Variants in ARHGAP15 observed in about 807,000 individuals in gnomAD.
ARHGAP15 encodes the protein Rho GTPase activating protein 15.
Under a neutral mutation model 63.7 loss-of-function variants are expected in ARHGAP15, and 51 were observed. That is an observed-to-expected ratio of 0.80 (90% CI 0.64 to 1.01). The LOEUF is 1.01. Ranked by LOEUF, ARHGAP15 falls within the 50% of genes least tolerant of loss-of-function variation. ARHGAP15 has a pLI of 0.00. For missense variants in ARHGAP15, 560 were observed against 564.6 expected (o/e 0.99, Z 0.08); for synonymous variants, 191 against 193.8 (o/e 0.99, Z 0.12).
intron 6 of ARHGAP15, among the ~76,000 whole-genome samples, chr2:143,325,396 T>C (rs568495852): frequency 6.6e-6 from 1 of 152,206 alleles, no homozygotes; most frequent in African/African-American, 2.4e-5. Context: ...AACACCTCAT[T>C]TTAGTACAAT....
rs1347834366 is a variant in ARHGAP15 at position 143,605,882 on chromosome 2, A to AAAAAAAAG, written c.1004-18247_1004-18246insAAAGAAAA. 3.1e-4 allele frequency among the ~76,000 whole-genome samples: 42 copies of AAAAAAAAG among 134,784 alleles called. 3 individuals carry two copies. The East Asian group carries it at 9.0e-3, about 29-fold the overall frequency. 88.4% of individuals were successfully genotyped at this position (134,784 alleles called of 152,430 possible). Reference sequence around the variant, plus strand: ...ACAAAAAAAAAAAAAAAAAAAAAAAAAAAATTAGCCAGGCATAGCGGCGTT... The same window carrying AAAAAAAAG: ...ACAAAAAAAAAAAAAAAAAAAAAAAAAAAAAAAGAAAATTAGCCAGGCATAGCGGCGTT... On this transcript the variant is annotated intron_variant, in intron 11 of 13. Transcript: ENST00000295095.
rs974329407 is a variant in ARHGAP15, at chr2:143,703,497, T to C, written c.1217T>C (p.Met406Thr). Residue 406 changes from methionine to threonine, a missense_variant, in exon 13 of 14, where the codon ATG (methionine) becomes ACG (threonine). By Grantham distance (81) the Met-to-Thr change is moderately conservative (BLOSUM62 -1). Transcript: ENST00000295095. ...CTCCCTCCGCCAAATCGTGACACCA[T>C]GAAAGTCCTCTTTGGACATCTAACT... ...QKLPPPNRDT[M>T]KVLFGHLTKI... 9 of 1,612,624 alleles carry C rather than the reference T, an allele frequency of 5.6e-6. No individual in the cohort carries two copies. Among genetic ancestry groups the C allele is most frequent in the Non-Finnish European group, 7.6e-6 (9 of 1,179,354 alleles).
chr2:143,243,333 C>T (rs1327859877), intron 5 of ARHGAP15, among the ~76,000 whole-genome samples: 1 of 152,064 alleles, frequency 6.6e-6, no homozygotes, highest in Non-Finnish European at 1.5e-5. Context: ...ATCAGAAGTG[C>T]AAGAGACCTA....
intron 9 of ARHGAP15, among the ~76,000 whole-genome samples, chr2:143,518,465 G>A (rs897064126): frequency 6.6e-6 from 1 of 152,216 alleles, no homozygotes; most frequent in Non-Finnish European, 1.5e-5. Context: ...AAGTTTGGGG[G>A]AAAATGCATC....
intron 6 of ARHGAP15, among the ~76,000 whole-genome samples, chr2:143,278,672 C>T (rs1176979186): frequency 6.6e-6 from 1 of 152,036 alleles, no homozygotes; most frequent in Non-Finnish European, 1.5e-5. Context: ...TGGTACAATG[C>T]ATATACAACT....
At chr2:143,268,343 C>T (rs1681101659) in intron 6 of ARHGAP15, among the ~76,000 whole-genome samples, 1 of 152,008 alleles carries the variant, frequency 6.6e-6, no homozygotes, top group Non-Finnish European at 1.5e-5. Flanking sequence ...ATGTGGCTGG[C>T]ACTTGAAAAA....
At chr2:143,288,639 T>G (rs991561393) in intron 6 of ARHGAP15, among the ~76,000 whole-genome samples, 3 of 151,550 alleles carry the variant, frequency 2.0e-5, no homozygotes, top group Admixed American at 1.3e-4. Context: ...TTTTTTTGTC[T>G]GCAGACACCT....
At chr2:143,604,293 T>A (rs28417662) in intron 11 of ARHGAP15, among the ~76,000 whole-genome samples, 1,955 of 152,314 alleles carry the variant, frequency 0.013, 19 homozygotes, top group African/African-American at 0.024. Flanking sequence ...CCACCATGGA[T>A]CCTTGAGAGC....
chr2:143,477,389 A>T (rs958595990), intron 8 of ARHGAP15, among the ~76,000 whole-genome samples: 1 of 150,670 alleles, frequency 6.6e-6, no homozygotes, highest in Non-Finnish European at 1.5e-5. Context: ...ATGATGCAGG[A>T]TGCCTATCAT....
intron 8 of ARHGAP15, among the ~76,000 whole-genome samples, chr2:143,444,052 C>T (rs958752906): frequency 1.3e-5 from 2 of 152,192 alleles, no homozygotes; most frequent in Admixed American, 6.5e-5. Flanking sequence ...ATAGCATCAG[C>T]TACTCTGAAA....
At chr2:143,620,126 TTTGATTCCTTATGC>T (rs1698596327) in intron 11 of ARHGAP15, among the ~76,000 whole-genome samples, 3 of 152,216 alleles carry the variant, frequency 2.0e-5, no homozygotes, top group Non-Finnish European at 4.4e-5. Context: ...ATTGGATATG[TTTGATTCCTTATGC>T]TTTAAAATGT....
At chr2:143,594,207 C>T (rs752606057) in intron 11 of ARHGAP15, among the ~76,000 whole-genome samples, 1 of 152,096 alleles carries the variant, frequency 6.6e-6, no homozygotes, top group Non-Finnish European at 1.5e-5. Flanking sequence ...TTAAATCTGT[C>T]GAGAGGAATG....
At chr2:143,655,376 A>G (rs1429110575) in intron 12 of ARHGAP15, among the ~76,000 whole-genome samples, 2 of 150,492 alleles carry the variant, frequency 1.3e-5, no homozygotes, top group Admixed American at 6.7e-5. Flanking sequence ...CCTTAAAGTC[A>G]GGTAAACTTG....
chr2:143,605,100 G>T (rs531503662), intron 11 of ARHGAP15, among the ~76,000 whole-genome samples: 1 of 152,064 alleles, frequency 6.6e-6, no homozygotes, highest in Admixed American at 6.6e-5. Context: ...GTAGAGACGG[G>T]ATTTTACCAT....
intron 6 of ARHGAP15, among the ~76,000 whole-genome samples, chr2:143,416,414 A>C (rs1688681556): frequency 6.6e-6 from 1 of 152,146 alleles, no homozygotes; most frequent in African/African-American, 2.4e-5. Flanking sequence ...AAAGAGGCAA[A>C]ATTAGAGTTT....
chr2:143,589,540 G>A (rs950764302), intron 11 of ARHGAP15, among the ~76,000 whole-genome samples: 1 of 152,198 alleles, frequency 6.6e-6, no homozygotes, highest in Non-Finnish European at 1.5e-5. Flanking sequence ...CATCTAGTTT[G>A]TGACAGAGCC....
At chr2:143,568,040 C>T (rs1336731521) in intron 11 of ARHGAP15, among the ~76,000 whole-genome samples, 1 of 152,130 alleles carries the variant, frequency 6.6e-6, no homozygotes, top group Admixed American at 6.6e-5. Context: ...TAAAGACTTA[C>T]ATGTTAGACT....
At chr2:143,693,951 T>C (rs895838842) in intron 12 of ARHGAP15, among the ~76,000 whole-genome samples, 2 of 152,198 alleles carry the variant, frequency 1.3e-5, no homozygotes, top group Non-Finnish European at 2.9e-5. Context: ...AAATATTCTA[T>C]TGACAAGGTC....
intron 6 of ARHGAP15, among the ~76,000 whole-genome samples, chr2:143,345,055 C>T (rs1472261590): frequency 1.3e-5 from 2 of 152,060 alleles, no homozygotes; most frequent in African/African-American, 4.8e-5. Context: ...ACCAGCAGTT[C>T]AGAGGTTAGG....
Sources: gnomAD v4.1 joint callset for allele counts (sites outside exome capture counted in the v4.1 genomes callset) on GRCh38, gnomAD v4.1.1 for gene constraint, MANE v1.5 for transcripts, NCBI Gene and HGNC (gene_info 2026-07-23, HGNC 2026-07-21) for gene names.